RFX7: variants seen among roughly 807,000 people sequenced by gnomAD.
The protein encoded by RFX7 is regulatory factor X7.
In RFX7, 26 loss-of-function variants were observed where a neutral mutation model predicts 111.8. The observed-to-expected ratio is 0.23, with a 90% CI of 0.17 to 0.32. The LOEUF is 0.32. Among genes scored for constraint, RFX7 ranks in the 10% least tolerant of loss-of-function variants. RFX7 has a pLI of 1.00. For missense variants in RFX7, 1,573 were observed against 1,772.9 expected (o/e 0.89, Z 2.02); for synonymous variants, 624 against 624.4 (o/e 1.00, Z 0.01).
chr15:56,101,897 C>A (rs1388951448), intron 7 of RFX7, among the ~76,000 whole-genome samples: 1 of 152,190 alleles, frequency 6.6e-6, no homozygotes, highest in South Asian at 2.1e-4. Context: ...TACATGATGA[C>A]TGACTTTTTC....
intron 8 of RFX7, among the ~76,000 whole-genome samples, chr15:56,100,492 T>TA (rs2041738448): frequency 1.3e-5 from 2 of 152,030 alleles, no homozygotes; most frequent in Admixed American, 6.6e-5. Flanking sequence ...TAAAAGATAC[T>TA]AAAAAAAGAA....
At chr15:56,096,986 T>G (rs903619647) in intron 9 of RFX7, among the ~76,000 whole-genome samples, 4 of 152,180 alleles carry the variant, frequency 2.6e-5, no homozygotes, top group African/African-American at 9.7e-5. Flanking sequence ...GAATCTATGC[T>G]AAGATGGCTC....
chr15:56,225,614 A>C (rs1025798511), intron 2 of RFX7, among the ~76,000 whole-genome samples: 1 of 152,138 alleles, frequency 6.6e-6, no homozygotes, highest in Non-Finnish European at 1.5e-5. Context: ...CTCACTTTAG[A>C]AGTTAGGAAC....
chr15:56,183,010 G>T (rs1172759323), intron 2 of RFX7, among the ~76,000 whole-genome samples: 2 of 151,924 alleles, frequency 1.3e-5, no homozygotes, highest in Non-Finnish European at 2.9e-5. Flanking sequence ...ATTTATACAT[G>T]ATATAGGTAA....
intron 2 of RFX7, among the ~76,000 whole-genome samples, chr15:56,181,849 T>C (rs2042977165): frequency 6.6e-6 from 1 of 152,160 alleles, no homozygotes; most frequent in Admixed American, 6.5e-5. Context: ...TCATCCCTGT[T>C]AGGAACGGGG....
At chr15:56,234,987 T>C (rs747911673) in intron 2 of RFX7, among the ~76,000 whole-genome samples, 1 of 152,214 alleles carries the variant, frequency 6.6e-6, no homozygotes, top group Non-Finnish European at 1.5e-5. Context: ...TCGTGAGACA[T>C]GTTTCACAAG....
At chr15:56,117,220 G>A (rs1262103791) in intron 5 of RFX7, among the ~76,000 whole-genome samples, 1 of 152,132 alleles carries the variant, frequency 6.6e-6, no homozygotes, top group Non-Finnish European at 1.5e-5. Context: ...TGCCATGCCT[G>A]AGCTAGAACT....
chr15:56,100,799 A>C (rs2041741891), intron 8 of RFX7, among the ~76,000 whole-genome samples: 1 of 152,190 alleles, frequency 6.6e-6, no homozygotes, highest in Non-Finnish European at 1.5e-5. Context: ...TGTCGATTCC[A>C]AAAACTCATC....
At chr15:56,184,096 C>G (rs541097105) in intron 2 of RFX7, among the ~76,000 whole-genome samples, 3 of 151,684 alleles carry the variant, frequency 2.0e-5, no homozygotes, top group African/African-American at 7.3e-5. Context: ...CGCGGCTCAC[C>G]GCAACCTCCA....
chr15:56,159,829 A>C (rs1226722566), intron 3 of RFX7, among the ~76,000 whole-genome samples: 1 of 152,204 alleles, frequency 6.6e-6, no homozygotes, highest in Non-Finnish European at 1.5e-5. Flanking sequence ...AAAGACCTTT[A>C]AGCAGATGGT....
At chr15:56,243,056 G>GCCCCCCCCCCCCCCCCCCCCC in intron 2 of RFX7, 69 bp downstream of exon 2, 1 of 520,784 alleles carries the variant, frequency 1.9e-6, no homozygotes, top group Non-Finnish European at 3.3e-6. Flanking sequence ...CCCGCCCGCC[G>GCCCCCCCCCCCCCCCCCCCCC]CCCCCCACCC....
rs746933486 is a variant in RFX7 at position 56,094,847 on chromosome 15, T to C, written c.2881A>G (p.Thr961Ala). Residue 961 changes from threonine (T) to alanine (A), a missense_variant, in exon 10 of 10, where the codon ACC becomes GCC. Transcript: ENST00000559447. ...TPTPTPTPTPTPTPTSEMIAG... is the reference protein window; with the variant it reads ...TPTPTPTPTPAPTPTSEMIAG... The stretch of plus-strand genomic sequence containing the variant: ...ATCATTTCAGATGTCGGGGTTGGGG[T>C]TGGGGTTGGAGTAGGAGTGGGTGTG... The C allele has an allele frequency of 3.9e-6, 6 of 1,555,468 alleles. No individual in the cohort carries two copies. The South Asian group carries it at 7.3e-5, about 19-fold the overall frequency.
intron 3 of RFX7, among the ~76,000 whole-genome samples, chr15:56,171,294 T>G (rs1211151815): frequency 2.6e-5 from 4 of 152,152 alleles, no homozygotes; most frequent in Non-Finnish European, 2.9e-5. Context: ...AATGTTCATG[T>G]CTTAATCTTT....
chr15:56,087,568 T>C lies in RFX7; in HGVS notation c.*5777A>G. 2.2e-6 allele frequency: 1 copy of C among 456,634 alleles called. No homozygotes were observed. The highest frequency in any genetic ancestry group is 1.5e-5 in the South Asian group (1 of 64,544). 28.3% of individuals were successfully genotyped at this position (456,634 alleles called of 1,614,324 possible). A position where few individuals can be genotyped will look rare whatever the true frequency, so the allele number is the denominator to read the frequency against. Reference sequence around the variant, plus strand: ...CATCTCTTTGAGTACTTGGTAAGTGTCTCCACTTAACTGCAAGGGAAGTTG... The same window carrying C: ...CATCTCTTTGAGTACTTGGTAAGTGCCTCCACTTAACTGCAAGGGAAGTTG... On this transcript the variant is annotated 3_prime_UTR_variant, in exon 10 of 10. Coordinates refer to ENST00000559447, the MANE Select transcript of RFX7 (RefSeq NM_022841.7).
intron 2 of RFX7, among the ~76,000 whole-genome samples, chr15:56,218,657 C>T (rs1010758792): frequency 2.0e-5 from 3 of 152,158 alleles, no homozygotes; most frequent in Non-Finnish European, 4.4e-5. Flanking sequence ...CCAACTTTAA[C>T]AGCATGTGTA....
chr15:56,138,385 C>G (rs1226373005), intron 5 of RFX7, among the ~76,000 whole-genome samples: 1 of 150,694 alleles, frequency 6.6e-6, no homozygotes, highest in Admixed American at 6.6e-5. Flanking sequence ...TTCTTTGTCT[C>G]TTTTGATCTT....
intron 5 of RFX7, among the ~76,000 whole-genome samples, chr15:56,112,132 A>G (rs1365565529): frequency 1.3e-5 from 2 of 151,446 alleles, no homozygotes; most frequent in African/African-American, 4.8e-5. Flanking sequence ...AAAAAAAAAA[A>G]AGAATCACTA....
chr15:56,102,080 C>T, intron 7 of RFX7, 89 bp downstream of exon 7: 1 of 966,822 alleles, frequency 1.0e-6, no homozygotes, highest in Non-Finnish European at 1.6e-6. Context: ...AGTCGCTAGG[C>T]TTAACCAAAT....
At chr15:56,149,023 C>T (rs958978045) in intron 3 of RFX7, among the ~76,000 whole-genome samples, 2 of 148,522 alleles carry the variant, frequency 1.3e-5, no homozygotes, top group East Asian at 4.0e-4. Flanking sequence ...GCGGAGCTTG[C>T]AGTGAGCTGA....
Sources: gnomAD v4.1 joint callset for allele counts (sites outside exome capture counted in the v4.1 genomes callset) on GRCh38, gnomAD v4.1.1 for gene constraint, MANE v1.5 for transcripts, NCBI Gene and HGNC (gene_info 2026-07-23, HGNC 2026-07-21) for gene names.